PCDH11X: variants seen among roughly 807,000 people sequenced by gnomAD.
PCDH11X encodes protocadherin 11 X-linked.
In PCDH11X, 18 loss-of-function variants were observed where a neutral mutation model predicts 53.3. The observed-to-expected ratio is 0.34, with a 90% CI of 0.23 to 0.50. The LOEUF is 0.50. Among genes scored for constraint, PCDH11X ranks in the 20% least tolerant of loss-of-function variants. The pLI is 0.98. For missense variants in PCDH11X, 570 were observed against 1,032.4 expected (o/e 0.55, Z 6.14); for synonymous variants, 279 against 393.3 (o/e 0.71, Z 3.44).
intron 10 of PCDH11X, among the ~76,000 whole-genome samples, chrX:92,524,560 C>T (rs2074418120): frequency 9.6e-6 from 1 of 104,456 alleles, no homozygotes; most frequent in Admixed American, 1.0e-4. Context: ...GTAACCCCAT[C>T]CCTATTTTTG....
chrX:91,997,788 G>T (rs2062444704), intron 6 of PCDH11X, among the ~76,000 whole-genome samples: 2 of 111,388 alleles, frequency 1.8e-5, no homozygotes, highest in Admixed American at 9.6e-5. Context: ...GTGAGGGATT[G>T]CTTATATTGT....
At chrX:92,125,143 C>T (rs2558187) in intron 6 of PCDH11X, among the ~76,000 whole-genome samples, 7 of 111,570 alleles carry the variant, frequency 6.3e-5, no homozygotes, top group South Asian at 3.7e-4. Context: ...CATTAAGGAA[C>T]GTTCCAATCA....
chrX:92,492,008 C>A (rs1033715639), intron 10 of PCDH11X, among the ~76,000 whole-genome samples: 1 of 111,060 alleles, frequency 9.0e-6, no homozygotes, highest in Admixed American at 9.6e-5. Flanking sequence ...TGGCAGGAAG[C>A]TCCCTGGTTT....
chrX:92,152,914 C>T (rs1425372210), intron 6 of PCDH11X, among the ~76,000 whole-genome samples: 5 of 108,755 alleles, frequency 4.6e-5, no homozygotes, highest in African/African-American at 1.7e-4. Flanking sequence ...TCTCCTGCCT[C>T]AGTCTCCCAA....
intron 6 of PCDH11X, among the ~76,000 whole-genome samples, chrX:91,974,893 C>T (rs1476363340): frequency 1.8e-5 from 2 of 110,363 alleles, no homozygotes; most frequent in African/African-American, 6.6e-5. Context: ...GCTGGGACTA[C>T]AGGCTCGTGC....
intron 10 of PCDH11X, among the ~76,000 whole-genome samples, chrX:92,587,644 T>C (rs770582678): frequency 4.5e-5 from 5 of 110,307 alleles, no homozygotes; most frequent in African/African-American, 1.3e-4. Flanking sequence ...TGTGCTAAAA[T>C]ATATTTCGAT....
chrX:92,225,877 A>G (rs926988113), intron 7 of PCDH11X, among the ~76,000 whole-genome samples: 8 of 111,834 alleles, frequency 7.2e-5, no homozygotes, highest in Non-Finnish European at 1.5e-4. Flanking sequence ...TATCTGCAGG[A>G]AAAGTCTTAA....
At chrX:91,822,504 T>TG (rs1278816452) in intron 4 of PCDH11X, among the ~76,000 whole-genome samples, 2 of 111,327 alleles carry the variant, frequency 1.8e-5, no homozygotes, top group Admixed American at 9.6e-5. Context: ...TGTATTCCTG[T>TG]GGATCGGTGG....
At chrX:92,079,544 T>C (rs1290358318) in intron 6 of PCDH11X, among the ~76,000 whole-genome samples, 1 of 111,077 alleles carries the variant, frequency 9.0e-6, no homozygotes. Context: ...GCAAGTCACT[T>C]AAAACTTATG....
At chrX:91,782,475 A>G (rs1231500290) in intron 1 of PCDH11X, among the ~76,000 whole-genome samples, 1 of 109,789 alleles carries the variant, frequency 9.1e-6, no homozygotes, top group African/African-American at 3.3e-5. Context: ...TCGGGTGATA[A>G]AAAAGATGTG....
At chrX:92,340,060 C>T (rs866037472) in intron 8 of PCDH11X, among the ~76,000 whole-genome samples, 5 of 111,633 alleles carry the variant, frequency 4.5e-5, no homozygotes, top group Non-Finnish European at 9.4e-5. Flanking sequence ...AAAGAGAAAT[C>T]GGCCAAAGAA....
At chrX:92,249,766 C>T (rs1460719421) in intron 7 of PCDH11X, among the ~76,000 whole-genome samples, 2 of 111,762 alleles carry the variant, frequency 1.8e-5, no homozygotes, top group Admixed American at 9.5e-5. Context: ...TTTTTATCCC[C>T]TTTAATTTGG....
At chrX:92,472,811 G>T (rs2073295713) in intron 10 of PCDH11X, among the ~76,000 whole-genome samples, 1 of 110,564 alleles carries the variant, frequency 9.0e-6, no homozygotes, top group South Asian at 3.8e-4. Context: ...GCCATGGCTT[G>T]TAGTTCTCCT....
At chrX:92,359,984 T>C (rs1483511656) in intron 8 of PCDH11X, among the ~76,000 whole-genome samples, 1 of 111,133 alleles carries the variant, frequency 9.0e-6, no homozygotes, top group Non-Finnish European at 1.9e-5. Context: ...TGACTAAGCA[T>C]AAATTAATCT....
At position 92,608,990 on chromosome X, in the gene PCDH11X, C is replaced by A. The variant is rs369441939; in HGVS notation, c.3368-9274C>A. On this transcript the variant is annotated intron_variant, in intron 10 of 10. Transcript: ENST00000682573. ...TTTCCAGAATGTTATATAATAGGAA[C>A]CATACACGATGTAGACTGTTGATTA... Among the ~76,000 whole-genome samples, 65 of 111,111 alleles carry A rather than the reference C, an allele frequency of 5.9e-4. 6 individuals are homozygous for A. The highest frequency in any genetic ancestry group is 3.1e-3 in the Admixed American group (32 of 10,431).
intron 10 of PCDH11X, among the ~76,000 whole-genome samples, chrX:92,524,306 A>G (rs184976929): frequency 9.1e-6 from 1 of 110,181 alleles, no homozygotes; most frequent in East Asian, 2.9e-4. Context: ...CAAGACATAA[A>G]TCAGGTTAAT....
At chrX:92,437,052 C>T (rs766261142) in intron 9 of PCDH11X, among the ~76,000 whole-genome samples, 1 of 109,755 alleles carries the variant, frequency 9.1e-6, no homozygotes, top group East Asian at 2.9e-4. Flanking sequence ...GATGGATACC[C>T]GTTTCTCCAT....
chrX:91,919,279 AT>A (rs1470848721), intron 6 of PCDH11X, among the ~76,000 whole-genome samples: 1 of 111,698 alleles, frequency 9.0e-6, no homozygotes, highest in Non-Finnish European at 1.9e-5. Context: ...ATTGGTGTTA[AT>A]CTAATGGCAG....
At chrX:92,070,567 C>A (rs1328847639) in intron 6 of PCDH11X, among the ~76,000 whole-genome samples, 7 of 111,058 alleles carry the variant, frequency 6.3e-5, no homozygotes, top group Non-Finnish European at 1.3e-4. Context: ...TTATTTGTTT[C>A]TTTTCTCTTG....
Sources: gnomAD v4.1 joint callset for allele counts (sites outside exome capture counted in the v4.1 genomes callset) on GRCh38, gnomAD v4.1.1 for gene constraint, MANE v1.5 for transcripts, NCBI Gene and HGNC (gene_info 2026-07-23, HGNC 2026-07-21) for gene names.